The following PDLIM5 variants were observed in gnomAD, a reference collection of about 807,000 sequenced individuals.
PDLIM5 encodes the protein PDZ and LIM domain protein 5.
Under a neutral mutation model 64.2 loss-of-function variants are expected in PDLIM5, and 34 were observed. That is an observed-to-expected ratio of 0.53 (90% CI 0.40 to 0.71). The LOEUF (loss-of-function observed/expected upper bound fraction) is 0.71. Ranked by LOEUF, PDLIM5 falls within the 30% of genes least tolerant of loss-of-function variation. PDLIM5 has a pLI of 0.00. For missense variants in PDLIM5, 683 were observed against 733.6 expected, an observed-to-expected ratio of 0.93 and a Z score of 0.80; for synonymous variants, 253 against 269.1, an observed-to-expected ratio of 0.94 and a Z score of 0.59.
At chr4:94,615,842 T>G (rs1018481514) in intron 7 of PDLIM5, among the ~76,000 whole-genome samples, 2 of 152,222 alleles carry the variant, frequency 1.3e-5, no homozygotes, top group Non-Finnish European at 2.9e-5. Flanking sequence ...ATTTCACTCC[T>G]TGAAATTAGG....
rs933534735 is a variant in PDLIM5, at chr4:94,632,963, G to A, written c.1109-7313G>A. 6.6e-4 allele frequency among the ~76,000 whole-genome samples: 101 copies of A among 152,120 alleles called. 1 individual carries two copies. The highest frequency in any genetic ancestry group is 1.2e-3 in the Non-Finnish European group (85 of 68,026). On this transcript the variant is annotated intron_variant, in intron 8 of 12. Coordinates refer to ENST00000317968, the MANE Select transcript of PDLIM5 (RefSeq NM_006457.5). ...ATAAACTTGTGTTGTTTTTAAGCCA[G>A]TAAGTTATTAGTAATTTGTTACAGT...
At chr4:94,607,233 A>G (rs955235532) in intron 7 of PDLIM5, among the ~76,000 whole-genome samples, 2 of 152,080 alleles carry the variant, frequency 1.3e-5, no homozygotes, top group Admixed American at 6.5e-5. Flanking sequence ...TCAGTGTAAC[A>G]TGACTGACCA....
chr4:94,588,266 G>T, intron 7 of PDLIM5: 1 of 747,756 alleles, frequency 1.3e-6, no homozygotes, highest in Non-Finnish European at 1.6e-6. Flanking sequence ...CTAAAATATG[G>T]GTATAAAACA....
intron 2 of PDLIM5, among the ~76,000 whole-genome samples, chr4:94,486,285 A>T (rs1483411099): frequency 6.6e-6 from 1 of 152,194 alleles, no homozygotes; most frequent in Non-Finnish European, 1.5e-5. Context: ...GCAAGGTTTT[A>T]TATGTAGCCT....
intron 2 of PDLIM5, among the ~76,000 whole-genome samples, chr4:94,494,432 GTT>G (rs61675663): frequency 2.5e-4 from 18 of 70,770 alleles, no homozygotes; most frequent in Non-Finnish European, 3.9e-4. Context: ...TTTTTTTCTT[GTT>G]TTTTTTTTTT....
intron 7 of PDLIM5, among the ~76,000 whole-genome samples, chr4:94,608,889 C>A (rs1738138507): frequency 6.6e-6 from 1 of 152,056 alleles, no homozygotes; most frequent in South Asian, 2.1e-4. Context: ...CTCTCCAGAC[C>A]CTGACGTTTT....
rs574940364 is a variant in PDLIM5, at chr4:94,664,488, AT to A, written c.*424del. Reference sequence around the variant, plus strand: ...ATTTTATCAATAACAGAATTATTGTATTTAAAAAAAAACTAATACTTATCTT... The same window carrying A: ...ATTTTATCAATAACAGAATTATTGTATTAAAAAAAAACTAATACTTATCTT... On this transcript the variant is annotated 3_prime_UTR_variant, in exon 13 of 13. Transcript: ENST00000317968. 691 of 719,706 alleles carry A rather than the reference AT, an allele frequency of 9.6e-4. 5 individuals are homozygous for A. The African/African-American group carries it at 0.014, about 14-fold the overall frequency. 44.6% of individuals were successfully genotyped at this position (719,706 alleles called of 1,614,324 possible). A position where few individuals can be genotyped will look rare whatever the true frequency, so the allele number is the denominator to read the frequency against.
intron 4 of PDLIM5, among the ~76,000 whole-genome samples, chr4:94,574,520 A>G (rs1036540007): frequency 6.6e-6 from 1 of 151,328 alleles, no homozygotes; most frequent in Non-Finnish European, 1.5e-5. Flanking sequence ...AAAAAACAAG[A>G]TGAATTGAGA....
chr4:94,588,650 C>G (rs190841696), intron 7 of PDLIM5, among the ~76,000 whole-genome samples: 70 of 152,210 alleles, frequency 4.6e-4, no homozygotes, highest in African/African-American at 1.7e-3. Context: ...TGAATTATTA[C>G]AATATGTAGT....
chr4:94,545,611 T>C (rs1434534796), intron 3 of PDLIM5, among the ~76,000 whole-genome samples: 2 of 152,236 alleles, frequency 1.3e-5, no homozygotes, highest in Non-Finnish European at 2.9e-5. Context: ...CACTGTTTCT[T>C]CTTAAGAGCA....
chr4:94,622,242 A>C (rs922407058), intron 8 of PDLIM5, among the ~76,000 whole-genome samples: 1 of 150,908 alleles, frequency 6.6e-6, no homozygotes, highest in African/African-American at 2.5e-5. Context: ...TTTGATTTAG[A>C]AGGTGATAGC....
chr4:94,631,163 A>G (rs1196381415), intron 8 of PDLIM5, among the ~76,000 whole-genome samples: 1 of 150,304 alleles, frequency 6.7e-6, no homozygotes, highest in African/African-American at 2.5e-5. Context: ...TCAGTTTCCC[A>G]AAGTGCAGGG....
At chr4:94,458,886 G>A (rs1261461306) in intron 2 of PDLIM5, among the ~76,000 whole-genome samples, 1 of 152,182 alleles carries the variant, frequency 6.6e-6, no homozygotes, top group Non-Finnish European at 1.5e-5. Flanking sequence ...AAGATTGCCA[G>A]TTCCTGCTAG....
rs141653509 is a variant in PDLIM5, at chr4:94,618,053, C to A, written c.970C>A (p.Arg324=). The change falls in exon 8 of 13, where the codon CGG becomes AGG. Residue 324 remains arginine (R), a synonymous_variant. Coordinates refer to ENST00000317968, the MANE Select transcript of PDLIM5 (RefSeq NM_006457.5). ...PQLASSVAST[R]SMPESLDSPT... is the part of the protein sequence containing the mutation. ...GTTGGCTTCCTCGGTAGCTTCCACA[C>A]GGAGCATGCCCGAGAGCCTGGACAG... 13 of 1,604,752 alleles carry A rather than the reference C, an allele frequency of 8.1e-6. No homozygotes were observed. The highest frequency in any genetic ancestry group is 1.1e-5 in the Non-Finnish European group (13 of 1,175,718).
chr4:94,593,066 T>G (rs1736791855), intron 7 of PDLIM5, among the ~76,000 whole-genome samples: 2 of 152,304 alleles, frequency 1.3e-5, no homozygotes, highest in South Asian at 2.1e-4. Context: ...CTAATTTGTC[T>G]TATGGATATT....
intron 2 of PDLIM5, among the ~76,000 whole-genome samples, chr4:94,475,875 CA>C (rs572604879): frequency 2.8e-4 from 43 of 152,002 alleles, no homozygotes; most frequent in Non-Finnish European, 5.0e-4. Context: ...ACAGATTTAC[CA>C]GGACATAGCC....
At chr4:94,658,240 C>G (rs1484988000) in intron 11 of PDLIM5, among the ~76,000 whole-genome samples, 2 of 152,162 alleles carry the variant, frequency 1.3e-5, no homozygotes, top group Non-Finnish European at 2.9e-5. Context: ...AGGCGACTGC[C>G]TTGAAAATAA....
At chr4:94,488,294 G>A (rs1726537959) in intron 2 of PDLIM5, among the ~76,000 whole-genome samples, 1 of 152,142 alleles carries the variant, frequency 6.6e-6, no homozygotes, top group South Asian at 2.1e-4. Context: ...CCAAAGAGCT[G>A]CTGTTCCTTT....
At chr4:94,456,089 C>A in intron 2 of PDLIM5, 2 of 871,074 alleles carry the variant, frequency 2.3e-6, no homozygotes, top group Non-Finnish European at 3.2e-6. Flanking sequence ...GTTTCACTTT[C>A]ATCACCAGTA....
Sources: allele counts gnomAD v4.1 joint callset (sites outside exome capture counted in the v4.1 genomes callset), GRCh38; gene constraint gnomAD v4.1.1; transcripts MANE v1.5; gene names NCBI Gene and HGNC (gene_info 2026-07-23, HGNC 2026-07-21).